The following MYMX variants were observed in gnomAD, a reference collection of about 807,000 sequenced individuals.
MYMX encodes the protein myomixer, myoblast fusion factor.
the MYMX span, among the ~76,000 whole-genome samples, chr6:44,207,924 T>G: frequency 6.6e-6 from 1 of 151,946 alleles, no homozygotes; most frequent in African/African-American, 2.4e-5. Context: ...AACAAATTGG[T>G]ACTATTTGAG....
At chr6:44,197,190 C>T in the MYMX span, among the ~76,000 whole-genome samples, 1 of 152,012 alleles carries the variant, frequency 6.6e-6, no homozygotes, top group Non-Finnish European at 1.5e-5. Flanking sequence ...GAGCCGAGAT[C>T]GAGTCACTGT....
At chr6:44,211,624 T>C in the MYMX span, among the ~76,000 whole-genome samples, 4,056 of 150,922 alleles carry the variant, frequency 0.027, 161 homozygotes, top group African/African-American at 0.091. Flanking sequence ...CTTTTCTTTT[T>C]TTTTTTTTTT....
chr6:44,196,406 CAG>C, the MYMX span, among the ~76,000 whole-genome samples: 489 of 152,304 alleles, frequency 3.2e-3, 3 homozygotes, highest in African/African-American at 0.011. Context: ...AGGCTGGGAG[CAG>C]TGGCTCACAC....
the MYMX span, among the ~76,000 whole-genome samples, chr6:44,205,989 A>AAC: frequency 3.5e-5 from 5 of 142,448 alleles, 1 homozygote; most frequent in Non-Finnish European, 7.7e-5. Flanking sequence ...CAAAAAAAAA[A>AAC]AAACAAAACA....
chr6:44,213,375 A>C (rs920359865), upstream of MYMX, among the ~76,000 whole-genome samples: 7 of 150,946 alleles, frequency 4.6e-5, no homozygotes, highest in African/African-American at 9.9e-5. Flanking sequence ...AACAAAAAAA[A>C]GAAAAGAAAA....
At chr6:44,206,402 G>T in the MYMX span, among the ~76,000 whole-genome samples, 59 of 152,008 alleles carry the variant, frequency 3.9e-4, 1 homozygote, top group South Asian at 7.7e-3. Flanking sequence ...GCTAATTTTT[G>T]TATTTTTTTA....
chr6:44,217,515 C>G lies in MYMX; in HGVS notation c.44C>G (p.Ser15Cys), dbSNP rs1250809561. The G allele has an allele frequency of 2.5e-6, 1 of 406,280 alleles. No individual in the cohort carries two copies. The highest frequency in any genetic ancestry group is 2.0e-5 in the African/African-American group (1 of 48,794). 25.2% of individuals were successfully genotyped at this position (406,280 alleles called of 1,614,324 possible). Residue 15 changes from serine to cysteine, a missense_variant, in exon 2 of 2, where the codon TCC becomes TGC. Coordinates refer to ENST00000573382, the MANE Select transcript of MYMX (RefSeq NM_001315494.2). ...CCGCTGCTGCTTCGATTGCTGCTGT[C>G]CTGCCTGCTGCTGCCTGCTGCCCGC... The part of the protein sequence containing the change: ...LLPLLLRLLL[S>C]CLLLPAARLA...
the MYMX span, chr6:44,210,089 GC>G: frequency 6.8e-6 from 1 of 147,892 alleles, no homozygotes; most frequent in Non-Finnish European, 1.5e-5. Context: ...GGGACTACAG[GC>G]ACCTGCCACC....
At chr6:44,210,959 A>T in the MYMX span, among the ~76,000 whole-genome samples, 1 of 152,080 alleles carries the variant, frequency 6.6e-6, no homozygotes, top group African/African-American at 2.4e-5. Context: ...ATGTCACTGC[A>T]TTCCAGCCTG....
the MYMX span, among the ~76,000 whole-genome samples, chr6:44,198,641 G>A: frequency 2.0e-5 from 3 of 151,778 alleles, no homozygotes; most frequent in Non-Finnish European, 4.4e-5. Context: ...CCAGTAGCTG[G>A]GATTACAGGC....
chr6:44,204,404 G>A, the MYMX span, among the ~76,000 whole-genome samples: 2 of 152,158 alleles, frequency 1.3e-5, no homozygotes, highest in African/African-American at 4.8e-5. Flanking sequence ...TTGAGCCTGA[G>A]TAGGGGCTCA....
At chr6:44,198,897 G>A in the MYMX span, among the ~76,000 whole-genome samples, 5 of 152,082 alleles carry the variant, frequency 3.3e-5, no homozygotes, top group Middle Eastern at 3.2e-3. Context: ...ACAGGCGTGA[G>A]TAACTACACC....
the MYMX span, among the ~76,000 whole-genome samples, chr6:44,211,247 A>T: frequency 2.6e-5 from 4 of 152,260 alleles, no homozygotes; most frequent in African/African-American, 9.6e-5. Context: ...AATTAAGGTT[A>T]CTAAGGGTTA....
At chr6:44,204,344 C>G in the MYMX span, among the ~76,000 whole-genome samples, 1 of 152,058 alleles carries the variant, frequency 6.6e-6, no homozygotes, top group African/African-American at 2.4e-5. Flanking sequence ...TGAAGGAGGT[C>G]ACAGATGAAG....
chr6:44,216,652 CAA>C (rs547725984), upstream of MYMX, among the ~76,000 whole-genome samples: 69,171 of 116,886 alleles, frequency 0.59, 19,350 homozygotes, highest in East Asian at 0.7. Flanking sequence ...AACTCTGTCT[CAA>C]AAAAAAAAAA....
chr6:44,194,760 G>A, the MYMX span, among the ~76,000 whole-genome samples: 1 of 152,148 alleles, frequency 6.6e-6, no homozygotes, highest in Non-Finnish European at 1.5e-5. Flanking sequence ...GACTTCTGGG[G>A]AGCCAGAAAC....
At chr6:44,213,604 T>G (rs1375203484), upstream of MYMX, among the ~76,000 whole-genome samples, 1 of 151,792 alleles carries the variant, frequency 6.6e-6, no homozygotes, top group Non-Finnish European at 1.5e-5. Flanking sequence ...GTATTTTTAG[T>G]AGAGACAGGG....
the MYMX span, among the ~76,000 whole-genome samples, chr6:44,207,511 C>T: frequency 1.8e-3 from 276 of 151,752 alleles, no homozygotes; most frequent in African/African-American, 5.5e-3. Context: ...GCATCCACAT[C>T]GGGAATGCTA....
At chr6:44,193,634 A>G in the MYMX span, among the ~76,000 whole-genome samples, 1 of 152,134 alleles carries the variant, frequency 6.6e-6, no homozygotes, top group South Asian at 2.1e-4. Context: ...TGCCCTCTCC[A>G]CCTAAAATGA....
Sources: gnomAD v4.1 joint callset for allele counts (sites outside exome capture counted in the v4.1 genomes callset) on GRCh38, gnomAD v4.1.1 for gene constraint, MANE v1.5 for transcripts, NCBI Gene and HGNC (gene_info 2026-07-23, HGNC 2026-07-21) for gene names.